Variants in KCNN1 observed in about 807,000 individuals in gnomAD.
KCNN1 encodes the protein potassium calcium-activated channel subfamily N member 1.
In KCNN1, 20 loss-of-function variants were observed where a neutral mutation model predicts 44.7. The observed-to-expected ratio is 0.45, with a 90% CI of 0.32 to 0.65. KCNN1 has a LOEUF of 0.65. Ranked by LOEUF, KCNN1 falls within the 30% of genes least tolerant of loss-of-function variation. The pLI is 0.05. For missense variants in KCNN1, 632 were observed against 785.3 expected (o/e 0.80, Z 2.33); for synonymous variants, 324 against 341.7 (o/e 0.95, Z 0.57).
intron 3 of KCNN1, among the ~76,000 whole-genome samples, 192 bp from the exon 4 acceptor site, chr19:17,981,517 A>C (rs1599365037): frequency 6.7e-6 from 1 of 149,922 alleles, no homozygotes; most frequent in Middle Eastern, 3.5e-3. Context: ...GTGCCACTGC[A>C]CTCCAGCCTG....
intron 2 of KCNN1, among the ~76,000 whole-genome samples, chr19:17,955,507 G>C (rs777476360): frequency 2.1e-4 from 30 of 145,668 alleles, no homozygotes; most frequent in South Asian, 4.2e-4. Flanking sequence ...GTTGCAGTGA[G>C]CCGAGATTGT....
chr19:17,997,626 C>G (rs2033044296), intron 9 of KCNN1, among the ~76,000 whole-genome samples: 1 of 152,138 alleles, frequency 6.6e-6, no homozygotes, highest in Non-Finnish European at 1.5e-5. Flanking sequence ...ATTACAGGTG[C>G]CCGCTACCAC....
chr19:17,958,891 G>A (rs1390537152), intron 2 of KCNN1, among the ~76,000 whole-genome samples: 2 of 151,336 alleles, frequency 1.3e-5, no homozygotes, highest in Non-Finnish European at 2.9e-5. Flanking sequence ...TAGTAGAGAC[G>A]GGGTTTCACC....
chr19:17,982,052 GC>G lies in KCNN1; in HGVS notation c.846del (p.Gly283AlafsTer31). 6.2e-7 allele frequency: 1 copy of G among 1,609,072 alleles called. No homozygotes were observed. The highest frequency in any genetic ancestry group is 8.5e-7 in the Non-Finnish European group (1 of 1,178,114). On this transcript the variant is annotated frameshift_variant, in exon 4 of 10. Coordinates refer to ENST00000684775, the MANE Select transcript of KCNN1 (RefSeq NM_001386974.1). LOFTEE classifies it high-confidence loss of function. Reference protein sequence around the residue: ...RFVMKTLMTICPGTVLLVFSI... With the variant: ...RFVMKTLMTIXPGTVLLVFSI... ...GTCATGAAGACACTCATGACCATCT[GC>G]CCCGGCACCGTGCTGCTGGTCTTCA...
At chr19:17,996,648 A>AC (rs2033003336) in intron 9 of KCNN1, among the ~76,000 whole-genome samples, 1 of 152,176 alleles carries the variant, frequency 6.6e-6, no homozygotes, top group Non-Finnish European at 1.5e-5. Flanking sequence ...CTCAGAAAAG[A>AC]CTAAAAAGAA....
rs2032133335 is a variant in KCNN1 at position 17,974,324 on chromosome 19, G to A, written c.402+34G>A. 6.6e-7 allele frequency: 1 copy of A among 1,515,054 alleles called. No homozygotes were observed. The highest frequency in any genetic ancestry group is 1.4e-5 in the African/African-American group (1 of 71,554). The allele number at this position is 1,515,054 out of a possible 1,614,324, so 93.9% of individuals were successfully genotyped here. ...GGTCCTCCCCCAGGCACTCCAGGGA[G>A]GTTCCACCAAGCCCGCCTAGCTTTC... On this transcript the variant is annotated intron_variant, in intron 2 of 9. Transcript: ENST00000684775. The surrounding 1 kb of genome is among the most constrained non-coding windows in gnomAD (Gnocchi z 7.3).
Position 17,988,511 on chromosome 19 carries a change from C to G in KCNN1, c.1156C>G (p.Gln386Glu). The change falls in exon 6 of 10, where the codon CAG becomes GAG. Residue 386 changes from glutamine (Q) to glutamate (E), a missense_variant. This residue lies in a region of KCNN1 where 237 missense variants were observed against 253.0 expected (regional missense o/e 0.94). Coordinates refer to ENST00000684775, the MANE Select transcript of KCNN1 (RefSeq NM_001386974.1). ...KHVHNFMMDT[Q>E]LTKRVKNAAA... ...CGTGCACAACTTCATGATGGACACT[C>G]AGCTCACCAAGCGGGTGAGGACCGC... is the stretch of plus-strand genomic sequence containing the variant. 1 of 1,613,492 alleles carries G rather than the reference C, an allele frequency of 6.2e-7. No individual in the cohort carries two copies.
intron 3 of KCNN1, among the ~76,000 whole-genome samples, chr19:17,981,498 G>C (rs1331665380): frequency 6.7e-6 from 1 of 150,306 alleles, no homozygotes; most frequent in Admixed American, 6.6e-5. Context: ...ATTGCAGTGA[G>C]CAGAGATCGT....
chr19:17,964,238 G>A (rs893622758), upstream of KCNN1, among the ~76,000 whole-genome samples: 5 of 152,228 alleles, frequency 3.3e-5, no homozygotes, highest in Admixed American at 2.6e-4. The surrounding 1 kb of genome is among the most constrained non-coding windows in gnomAD (Gnocchi z 4.3). Context: ...CGGGCAGTCC[G>A]GGCTGGGTCC....
chr19:17,973,947 C>T lies in KCNN1; in HGVS notation c.59C>T (p.Ala20Val). 4 of 1,558,912 alleles carry T rather than the reference C, an allele frequency of 2.6e-6. No homozygotes were observed. The highest frequency in any genetic ancestry group is 3.5e-6 in the Non-Finnish European group (4 of 1,153,776). ...CGGCCGCTGGGCAGCGGGCCGGGCG[C>T]CCTGGGACGAGACCCTCCGGACCCT... ...VGRPLGSGPG[A>V]LGRDPPDPEA... is the part of the protein sequence containing the mutation. Residue 20 changes from alanine (A) to valine (V), a missense_variant, in exon 2 of 10, where the codon GCC (alanine) becomes GTC (valine). Physicochemically the swap from Ala to Val is moderately conservative, Grantham distance 64. Coordinates refer to ENST00000684775, the MANE Select transcript of KCNN1 (RefSeq NM_001386974.1).
chr19:17,987,107 CTTT>C (rs1314514359), intron 5 of KCNN1, among the ~76,000 whole-genome samples: 2 of 150,448 alleles, frequency 1.3e-5, no homozygotes, highest in African/African-American at 4.9e-5. Flanking sequence ...CACGCTGGCC[CTTT>C]TTTTCTTTTT....
At chr19:17,979,616 C>T (rs369406356) in intron 3 of KCNN1, among the ~76,000 whole-genome samples, 4 of 151,904 alleles carry the variant, frequency 2.6e-5, no homozygotes, top group African/African-American at 9.7e-5. Context: ...CCGTAACTGA[C>T]AGATGTTATG....
At chr19:17,982,654 A>AT (rs764755237) in intron 4 of KCNN1, 2 of 937,292 alleles carry the variant, frequency 2.1e-6, no homozygotes, top group Non-Finnish European at 2.5e-6. Context: ...CCCGCTAGGA[A>AT]TTTAAGATTA....
At chr19:17,952,334 G>C (rs930242517) in intron 1 of KCNN1, 1 of 152,478 alleles carries the variant, frequency 6.6e-6, no homozygotes, top group African/African-American at 2.4e-5. Flanking sequence ...GGCCGACTCC[G>C]GCCGGTGAGT....
chr19:17,976,457 G>A (rs149726559), intron 3 of KCNN1, among the ~76,000 whole-genome samples: 2 of 147,570 alleles, frequency 1.4e-5, no homozygotes, highest in Non-Finnish European at 3.0e-5. Flanking sequence ...CACTGTTGTT[G>A]TCCAGGCTGG....
rs1160526391 is a variant in KCNN1, at chr19:17,999,093, G to A, written c.*687G>A. On this transcript the variant is annotated 3_prime_UTR_variant, in exon 10 of 10. Coordinates refer to ENST00000684775, the MANE Select transcript of KCNN1 (RefSeq NM_001386974.1). ...GTGAGATTTGTATTGAGCACCTGCT[G>A]TCTACAGAGAATGTGATGATGTCAA... 6.6e-6 allele frequency: 1 copy of A among 152,268 alleles called. No individual in the cohort carries two copies. Among genetic ancestry groups the A allele is most frequent in the Admixed American group, 6.5e-5 (1 of 15,274 alleles). The allele number at this position is 152,268 out of a possible 1,614,324, so 9.4% of individuals were successfully genotyped here.
At chr19:17,989,247 CAGG>C (rs2032706518) in intron 6 of KCNN1, among the ~76,000 whole-genome samples, 2 of 152,072 alleles carry the variant, frequency 1.3e-5, no homozygotes, top group African/African-American at 4.8e-5. Flanking sequence ...CACTTGAGGT[CAGG>C]AGTTCAAAAC....
intron 2 of KCNN1, among the ~76,000 whole-genome samples, chr19:17,957,146 GGA>G (rs1282562002): frequency 9.0e-5 from 11 of 122,780 alleles, no homozygotes; most frequent in South Asian, 3.1e-4. Context: ...AAGGATGGAG[GGA>G]GAGAGAGAAA....
In KCNN1 at chr19:17,999,106, G is replaced by GTGA. The variant is rs1470444011; in HGVS notation, c.*706_*708dup. The GTGA allele has an allele frequency of 6.6e-6, 1 of 152,290 alleles. No homozygotes were observed. The highest frequency in any genetic ancestry group is 2.1e-4 in the South Asian group (1 of 4,838). The allele number at this position is 152,290 out of a possible 1,614,324, so 9.4% of individuals were successfully genotyped here. ...TGAGCACCTGCTGTCTACAGAGAAT[G>GTGA]TGATGATGTCAATTACCACACTGAT... On this transcript the variant is annotated 3_prime_UTR_variant, in exon 10 of 10. Coordinates refer to ENST00000684775, the MANE Select transcript of KCNN1 (RefSeq NM_001386974.1).
Sources: allele counts gnomAD v4.1 joint callset (sites outside exome capture counted in the v4.1 genomes callset), GRCh38; gene constraint gnomAD v4.1.1; regional missense constraint gnomAD v4.1.1; non-coding constraint Gnocchi (gnomAD v3.1); transcripts MANE v1.5; gene names NCBI Gene and HGNC (gene_info 2026-07-23, HGNC 2026-07-21).